Variants in DLG2 observed in about 807,000 individuals in gnomAD.
DLG2 encodes disks large homolog 2.
In DLG2, 45 loss-of-function variants were observed where a neutral mutation model predicts 132.5. The observed-to-expected ratio is 0.34, with a 90% CI of 0.27 to 0.44. DLG2 has a LOEUF of 0.44. Among genes scored for constraint, DLG2 ranks in the 20% least tolerant of loss-of-function variants. The probability of loss-of-function intolerance (pLI) is 1.00; values close to 1 mark genes in which losing one functional copy is unlikely to be tolerated. For missense variants in DLG2, 1,045 were observed against 1,196.9 expected (o/e 0.87, Z 1.87); for synonymous variants, 424 against 419.6 (o/e 1.01, Z -0.13).
At chr11:83,480,895 G>A (rs2093049156) in intron 22 of DLG2, among the ~76,000 whole-genome samples, 2 of 151,928 alleles carry the variant, frequency 1.3e-5, no homozygotes, top group African/African-American at 4.8e-5. Context: ...ATTGATCCCT[G>A]GAATCCCTTG....
chr11:85,601,055 G>A lies in DLG2; in HGVS notation c.-92-2267C>T, dbSNP rs559920487. Among the ~76,000 whole-genome samples the A allele has an allele frequency of 5.3e-5, 8 of 152,136 alleles. No homozygotes were observed. The East Asian group carries it at 5.8e-4, about 11-fold the overall frequency. ...CATACCATTATGTAGCTTATCCACCGCACAAATACAATCAATGTAAATAAC... is the reference window on the plus strand; with the variant it reads ...CATACCATTATGTAGCTTATCCACCACACAAATACAATCAATGTAAATAAC... On this transcript the variant is annotated intron_variant, in intron 2 of 27. Transcript: ENST00000376104.
At position 85,507,339 on chromosome 11, in the gene DLG2, T is replaced by A. The variant is rs144230941; in HGVS notation, c.40+91318A>T. Among the ~76,000 whole-genome samples the A allele has an allele frequency of 1.1e-3, 162 of 152,344 alleles. 4 individuals are homozygous for A. Among genetic ancestry groups the A allele is most frequent in the Middle Eastern group, 3.4e-3 (1 of 294 alleles). ...CTTACAATTTGGCATGTTTTTGCAG[T>A]GGCTGGTACCAGTTGTTGCTTTCCA... is the stretch of plus-strand genomic sequence containing the variant. On this transcript the variant is annotated intron_variant, in intron 3 of 27. Transcript: ENST00000376104.
intron 6 of DLG2, among the ~76,000 whole-genome samples, chr11:84,632,155 A>G (rs147740624): frequency 6.6e-6 from 1 of 152,280 alleles, no homozygotes; most frequent in African/African-American, 2.4e-5. Flanking sequence ...CTGTGTTGAA[A>G]TACTTATACC....
At chr11:84,527,965 G>A (rs1198415763) in intron 7 of DLG2, among the ~76,000 whole-genome samples, 1 of 146,796 alleles carries the variant, frequency 6.8e-6, no homozygotes, top group Non-Finnish European at 1.5e-5. Context: ...GGGCACTCTG[G>A]TAGGTGCTTG....
intron 6 of DLG2, among the ~76,000 whole-genome samples, chr11:84,929,556 A>G (rs981965840): frequency 1.3e-5 from 2 of 152,026 alleles, no homozygotes; most frequent in East Asian, 3.9e-4. Flanking sequence ...CACAAAGCTT[A>G]AAAGCAGCAC....
chr11:84,909,872 G>C (rs1166861128), intron 6 of DLG2, among the ~76,000 whole-genome samples: 1 of 152,122 alleles, frequency 6.6e-6, no homozygotes, highest in Non-Finnish European at 1.5e-5. Flanking sequence ...ACCATCCCCC[G>C]CATACCCAGC....
intron 6 of DLG2, among the ~76,000 whole-genome samples, chr11:84,749,216 T>A (rs1330427830): frequency 4.6e-5 from 7 of 152,180 alleles, no homozygotes; most frequent in Non-Finnish European, 8.8e-5. Flanking sequence ...ACCTGCAATG[T>A]CTTCCTCATG....
intron 6 of DLG2, among the ~76,000 whole-genome samples, chr11:85,078,782 T>C (rs551674194): frequency 2.4e-4 from 36 of 152,112 alleles, no homozygotes; most frequent in Non-Finnish European, 4.9e-4. Context: ...ATTCATCCAC[T>C]GGATTTGTCA....
At chr11:83,497,778 A>C (rs1301486924) in intron 21 of DLG2, among the ~76,000 whole-genome samples, 1 of 152,080 alleles carries the variant, frequency 6.6e-6, no homozygotes, top group Admixed American at 6.6e-5. Flanking sequence ...TATTGTCCAC[A>C]ATTCAATAAT....
At chr11:84,200,385 A>C (rs1267203421) in intron 8 of DLG2, among the ~76,000 whole-genome samples, 3 of 152,136 alleles carry the variant, frequency 2.0e-5, no homozygotes, top group Non-Finnish European at 4.4e-5. Flanking sequence ...CACCCGACTA[A>C]TTTTTGTATT....
At chr11:84,140,094 G>C (rs1163310011) in intron 9 of DLG2, among the ~76,000 whole-genome samples, 1 of 151,964 alleles carries the variant, frequency 6.6e-6, no homozygotes, top group Non-Finnish European at 1.5e-5. Context: ...AACTGAAATT[G>C]TATGATATTA....
chr11:84,617,410 G>A (rs1311097389), intron 6 of DLG2, among the ~76,000 whole-genome samples: 2 of 152,092 alleles, frequency 1.3e-5, no homozygotes, highest in Non-Finnish European at 2.9e-5. Flanking sequence ...TTGGTTCCAA[G>A]TCTTTGCTAT....
At chr11:85,300,473 GT>G (rs1264503379) in intron 3 of DLG2, among the ~76,000 whole-genome samples, 1 of 152,050 alleles carries the variant, frequency 6.6e-6, no homozygotes, top group African/African-American at 2.4e-5. Context: ...CAAACAAGGA[GT>G]AAAATTAGAA....
In DLG2 at chr11:83,867,561, C is replaced by T. The variant is rs529827323; in HGVS notation, c.1565+6859G>A. Among the ~76,000 whole-genome samples, 5 of 152,090 alleles carry T rather than the reference C, an allele frequency of 3.3e-5. No individual in the cohort carries two copies. In the South Asian group the frequency reaches 8.3e-4, roughly 25 times the overall value. ...GAACAATAATGATGATAGTGGATAA[C>T]GTCTATACAAGTATTTACCTAGAAA... On this transcript the variant is annotated intron_variant, in intron 16 of 27. Transcript: ENST00000376104.
intron 7 of DLG2, among the ~76,000 whole-genome samples, chr11:84,418,698 C>T (rs892850082): frequency 2.6e-5 from 4 of 152,152 alleles, no homozygotes; most frequent in African/African-American, 9.7e-5. Flanking sequence ...CTGGTCCTAT[C>T]CTTCCTTCCC....
intron 7 of DLG2, among the ~76,000 whole-genome samples, chr11:84,340,035 A>T (rs765169091): frequency 6.6e-6 from 1 of 152,218 alleles, no homozygotes; most frequent in Non-Finnish European, 1.5e-5. Flanking sequence ...CCAATTACAG[A>T]AAGTCACCCA....
At chr11:83,586,017 G>C (rs1316904561) in intron 19 of DLG2, among the ~76,000 whole-genome samples, 8 of 152,226 alleles carry the variant, frequency 5.3e-5, no homozygotes, top group Admixed American at 5.2e-4. Flanking sequence ...AACCAGAAAG[G>C]ACTCTTCAAG....
At chr11:84,880,520 AAATAT>A (rs1194888958) in intron 6 of DLG2, among the ~76,000 whole-genome samples, 4 of 152,122 alleles carry the variant, frequency 2.6e-5, no homozygotes, top group Non-Finnish European at 4.4e-5. Flanking sequence ...CAATTTGAAT[AAATAT>A]AAAATAATTA....
intron 10 of DLG2, among the ~76,000 whole-genome samples, chr11:84,097,257 G>C (rs948121841): frequency 6.6e-6 from 1 of 152,014 alleles, no homozygotes; most frequent in African/African-American, 2.4e-5. Flanking sequence ...ATTTGGCCTC[G>C]TTAGCCCAGT....
Sources: allele counts gnomAD v4.1 joint callset (sites outside exome capture counted in the v4.1 genomes callset), GRCh38; gene constraint gnomAD v4.1.1; transcripts MANE v1.5; gene names NCBI Gene and HGNC (gene_info 2026-07-23, HGNC 2026-07-21).